SATB1: variants seen among roughly 807,000 people sequenced by gnomAD.
SATB1 encodes DNA-binding protein SATB1.
In SATB1, 11 loss-of-function variants were observed where a neutral mutation model predicts 86.9. The ratio of observed to expected loss-of-function variants is 0.13; its 90% CI spans 0.08 to 0.21. SATB1 has a LOEUF of 0.21. SATB1 is among the 10% of genes least tolerant of loss of function. The probability of loss-of-function intolerance (pLI) is 1.00; values close to 1 mark genes in which losing one functional copy is unlikely to be tolerated. For synonymous variants in SATB1, 357 were observed against 357.2 expected (o/e 1.00, Z 0.01); for missense variants, 551 against 937.6 (o/e 0.59, Z 5.39).
At chr3:18,376,478 T>G (rs1418091339) in intron 9 of SATB1, among the ~76,000 whole-genome samples, 4 of 148,006 alleles carry the variant, frequency 2.7e-5, no homozygotes, top group Non-Finnish European at 4.5e-5. Flanking sequence ...GAAAAAAAAA[T>G]GTAGAATAAG....
intron 9 of SATB1, among the ~76,000 whole-genome samples, chr3:18,369,971 G>A (rs1695383234): frequency 6.6e-6 from 1 of 152,212 alleles, no homozygotes; most frequent in Non-Finnish European, 1.5e-5. Flanking sequence ...TTAATTACAA[G>A]CGAGAGGGTG....
rs572534356 is a variant in SATB1 at position 18,345,819 on chromosome 3, A to G, written c.*3351T>C. On this transcript the variant is annotated 3_prime_UTR_variant, in exon 11 of 11. Coordinates refer to ENST00000338745, the MANE Select transcript of SATB1 (RefSeq NM_002971.6). ...ATCACCAGGCAGTTCAGAATGTCTCATTTATTGAGAATATTGTGACAATCA... is the reference window on the plus strand; with the variant it reads ...ATCACCAGGCAGTTCAGAATGTCTCGTTTATTGAGAATATTGTGACAATCA... The G allele has an allele frequency of 6.6e-6, 1 of 152,182 alleles. No individual in the cohort carries two copies. Among genetic ancestry groups the G allele is most frequent in the Admixed American group, 6.5e-5 (1 of 15,278 alleles). 9.4% of individuals were successfully genotyped at this position (152,182 alleles called of 1,614,324 possible). A position where few individuals can be genotyped will look rare whatever the true frequency, so the allele number is the denominator to read the frequency against.
chr3:18,349,278 C>A lies in SATB1; in HGVS notation c.2184G>T (p.Leu728Phe). ...TATTTTTATCTTGGACACTCTCTTCCAAATCCTTCAGCAGCTCCTCTTCTT... is the reference window on the plus strand; with the variant it reads ...TATTTTTATCTTGGACACTCTCTTCAAAATCCTTCAGCAGCTCCTCTTCTT... The part of the protein sequence containing the change: ...EYKEEELLKD[L>F]EESVQDKNTN... The change falls in exon 11 of 11, where the codon TTG (leucine) becomes TTT (phenylalanine). Residue 728 changes from leucine to phenylalanine, a missense_variant. Transcript: ENST00000338745. The surrounding 1 kb of genome is among the most constrained non-coding windows in gnomAD (Gnocchi z 5.5). 1 of 1,614,176 alleles carries A rather than the reference C, an allele frequency of 6.2e-7. No individual in the cohort carries two copies. The highest frequency in any genetic ancestry group is 8.5e-7 in the Non-Finnish European group (1 of 1,180,036).
intron 9 of SATB1, among the ~76,000 whole-genome samples, chr3:18,374,647 A>G (rs960065992): frequency 6.6e-6 from 1 of 152,182 alleles, no homozygotes; most frequent in Non-Finnish European, 1.5e-5. Flanking sequence ...AAACAATTCC[A>G]TATCTATTAT....
intron 8 of SATB1, among the ~76,000 whole-genome samples, chr3:18,380,291 C>G (rs1041917236): frequency 3.9e-5 from 6 of 152,150 alleles, no homozygotes; most frequent in African/African-American, 1.4e-4. Context: ...GTTAAAAGAA[C>G]AGACTTTGGA....
At chr3:18,405,672 A>G (rs78036656) in intron 5 of SATB1, among the ~76,000 whole-genome samples, 1,663 of 152,026 alleles carry the variant, frequency 0.011, 34 homozygotes, top group South Asian at 0.044. Flanking sequence ...GAAATTACAT[A>G]AAACCTATGA....
At position 18,444,948 on chromosome 3, in the gene SATB1, G is replaced by C. The variant is rs1699345440; in HGVS notation, c.-25+570C>G. 1 of 142,748 alleles carries C rather than the reference G, an allele frequency of 7.0e-6. No individual in the cohort carries two copies. The highest frequency in any genetic ancestry group is 2.6e-5 in the African/African-American group (1 of 39,088). 8.8% of individuals were successfully genotyped at this position (142,748 alleles called of 1,614,324 possible). On this transcript the variant is annotated intron_variant, in intron 1 of 3. Transcript: ENST00000415069. This position sits in a 1 kb window ranked among gnomAD's most constrained non-coding sequence, Gnocchi z 5.1. ...GGGGAGGGGGCGGCGGCGGGGGCGGGAGGGGGAAGGGGCCGGCGGGAGCTG... is the reference window on the plus strand; with the variant it reads ...GGGGAGGGGGCGGCGGCGGGGGCGGCAGGGGGAAGGGGCCGGCGGGAGCTG...
In SATB1 at chr3:18,348,989, CAG is replaced by C; in HGVS notation, c.*179_*180del. On this transcript the variant is annotated 3_prime_UTR_variant, in exon 11 of 11. Coordinates refer to ENST00000338745, the MANE Select transcript of SATB1 (RefSeq NM_002971.6). ...TGGGGCTGCCAAGCAGTTTGTAAAA[CAG>C]AGGAAAACATTTAGTGCAGTCTGTA... 9.5e-7 allele frequency: 1 copy of C among 1,048,748 alleles called. No homozygotes were observed. The highest frequency in any genetic ancestry group is 1.3e-6 in the Non-Finnish European group (1 of 750,446). The allele number at this position is 1,048,748 out of a possible 1,614,324, so 65.0% of individuals were successfully genotyped here. A position where few individuals can be genotyped will look rare whatever the true frequency, so the allele number is the denominator to read the frequency against.
chr3:18,414,946 A>G, intron 5 of SATB1, 165 bp downstream of exon 5: 2 of 679,936 alleles, frequency 2.9e-6, no homozygotes, highest in Non-Finnish European at 4.9e-6. Flanking sequence ...CTCTGTTCAC[A>G]AGGAATCAGG....
intron 7 of SATB1, among the ~76,000 whole-genome samples, chr3:18,391,486 T>G (rs1696670158): frequency 6.6e-6 from 1 of 150,570 alleles, no homozygotes; most frequent in Admixed American, 6.6e-5. Context: ...CACTAAGTCG[T>G]CATCTAGCAT....
intron 7 of SATB1, among the ~76,000 whole-genome samples, chr3:18,392,884 TATAAAG>T (rs1354719029): frequency 1.3e-5 from 2 of 150,556 alleles, no homozygotes; most frequent in Non-Finnish European, 2.9e-5. Context: ...TTTTTTAAGC[TATAAAG>T]ATATAGAACT....
chr3:18,424,854 G>A lies in SATB1; in HGVS notation c.-1252C>T. On this transcript the variant is annotated 5_prime_UTR_variant, in exon 1 of 11. Coordinates refer to ENST00000338745, the MANE Select transcript of SATB1 (RefSeq NM_002971.6). ...CCCTGGCTTTCGGCTGGGCCCCCGGGCAGGATAGAGGGCGGCCGCGGCTGT... is the reference window on the plus strand; with the variant it reads ...CCCTGGCTTTCGGCTGGGCCCCCGGACAGGATAGAGGGCGGCCGCGGCTGT... 6.5e-6 allele frequency: 1 copy of A among 153,692 alleles called. No individual in the cohort carries two copies. Among genetic ancestry groups the A allele is most frequent in the Non-Finnish European group, 1.4e-5 (1 of 69,184 alleles). 9.5% of individuals were successfully genotyped at this position (153,692 alleles called of 1,614,324 possible).
intron 1 of SATB1, among the ~76,000 whole-genome samples, chr3:18,438,397 T>C (rs1329985166): frequency 6.6e-6 from 1 of 152,192 alleles, no homozygotes; most frequent in African/African-American, 2.4e-5. Flanking sequence ...CAAAAAAGAA[T>C]GCCCACTGAA....
intron 9 of SATB1, among the ~76,000 whole-genome samples, chr3:18,358,269 C>T (rs1470108857): frequency 6.6e-6 from 1 of 151,894 alleles, no homozygotes; most frequent in African/African-American, 2.4e-5. Context: ...AAACACTTGT[C>T]TTAAGATATT....
chr3:18,347,211 G>T lies in SATB1; in HGVS notation c.*1959C>A, dbSNP rs543817508. 2.0e-5 allele frequency: 3 copies of T among 152,166 alleles called. No individual in the cohort carries two copies. The highest frequency in any genetic ancestry group is 7.2e-5 in the African/African-American group (3 of 41,540). The allele number at this position is 152,166 out of a possible 1,614,324, so 9.4% of individuals were successfully genotyped here. A position where few individuals can be genotyped will look rare whatever the true frequency, so the allele number is the denominator to read the frequency against. On this transcript the variant is annotated 3_prime_UTR_variant, in exon 11 of 11. Coordinates refer to ENST00000338745, the MANE Select transcript of SATB1 (RefSeq NM_002971.6). ...GAAAGAGAAGGGGCAATTGCAAAAT[G>T]GTATCTCAAGCAACCCAGATACCCC...
At chr3:18,410,946 C>T (rs1697803973) in intron 5 of SATB1, 1 of 393,942 alleles carries the variant, frequency 2.5e-6, no homozygotes, top group Admixed American at 4.4e-5. Context: ...TGTCATGTTT[C>T]AGGAGAGCAG....
intron 7 of SATB1, among the ~76,000 whole-genome samples, chr3:18,391,526 C>A (rs1696672670): frequency 2.7e-5 from 3 of 110,046 alleles, no homozygotes; most frequent in Non-Finnish European, 3.6e-5. Context: ...TATCCCTCCC[C>A]CCTCCCCCCA....
chr3:18,415,812 G>GT (rs112184361), intron 4 of SATB1, among the ~76,000 whole-genome samples, 195 bp downstream of exon 4: 1,530 of 151,076 alleles, frequency 0.01, 43 homozygotes, highest in South Asian at 0.089. Flanking sequence ...TGTGTGTGTG[G>GT]GGGGGGGGAT....
At chr3:18,442,386 T>C (rs994587105), upstream of SATB1, among the ~76,000 whole-genome samples, 8 of 152,244 alleles carry the variant, frequency 5.3e-5, no homozygotes, top group Admixed American at 4.6e-4. Flanking sequence ...TTAAATATTA[T>C]GTATTACCTA....
Sources: allele counts gnomAD v4.1 joint callset (sites outside exome capture counted in the v4.1 genomes callset), GRCh38; gene constraint gnomAD v4.1.1; non-coding constraint Gnocchi (gnomAD v3.1); transcripts MANE v1.5; gene names NCBI Gene and HGNC (gene_info 2026-07-23, HGNC 2026-07-21).